Variants in SIAH3 observed in about 807,000 individuals in gnomAD.
SIAH3 encodes the protein siah E3 ubiquitin protein ligase family member 3, also known as seven in absentia homolog 3.
A neutral mutation model predicts 12.6 loss-of-function variants in SIAH3; 9 were observed. The observed-to-expected ratio is 0.72, with a 90% CI of 0.43 to 1.25. The LOEUF is 1.25. Among genes scored for constraint, SIAH3 ranks in the 50% most tolerant of loss-of-function variants. The probability of loss-of-function intolerance (pLI) is 0.00; values close to 1 mark genes in which losing one functional copy is unlikely to be tolerated. For missense variants in SIAH3, 390 were observed against 365.4 expected, an observed-to-expected ratio of 1.07 and a Z score of -0.55; for synonymous variants, 154 against 151.1, an observed-to-expected ratio of 1.02 and a Z score of -0.14.
At position 45,851,501 on chromosome 13, in the gene SIAH3, G is replaced by T. The variant is rs1406635560; in HGVS notation, c.129C>A (p.Asn43Lys). 1 of 1,613,972 alleles carries T rather than the reference G, an allele frequency of 6.2e-7. No homozygotes were observed. Among genetic ancestry groups the T allele is most frequent in the East Asian group, 2.2e-5 (1 of 44,886 alleles). ...AAATGACACAGAGACTCACCTTTAG[G>T]TTGTGTGTGGGGTTGACGACACAGA... is the stretch of plus-strand genomic sequence containing the variant. ...QLVCVVNPTH[N>K]LKYVSSRRAV... is the part of the protein sequence containing the mutation. The change falls in exon 1 of 2, where the codon AAC (asparagine) becomes AAA (lysine). Residue 43 changes from asparagine to lysine, a missense_variant. Physicochemically the swap from Asn to Lys is moderately conservative, Grantham distance 94. Coordinates refer to ENST00000400405, the MANE Select transcript of SIAH3 (RefSeq NM_198849.3).
At chr13:45,804,051 T>C (rs1950591058) in intron 1 of SIAH3, among the ~76,000 whole-genome samples, 1 of 152,218 alleles carries the variant, frequency 6.6e-6, no homozygotes, top group Non-Finnish European at 1.5e-5. Flanking sequence ...AAACTGTGGC[T>C]GGAACTTTTA....
intron 1 of SIAH3, among the ~76,000 whole-genome samples, chr13:45,840,118 CGTGGTGGTGTGCACCTGTAAT>C (rs1950735049): frequency 1.3e-5 from 2 of 152,030 alleles, no homozygotes; most frequent in Admixed American, 6.6e-5. Context: ...ATTAGCTGTG[CGTGGTGGTGTGCACCTGTAAT>C]TCCAGCTACT....
intron 1 of SIAH3, among the ~76,000 whole-genome samples, chr13:45,813,991 T>A (rs7139889): frequency 1.3e-5 from 2 of 152,040 alleles, no homozygotes; most frequent in South Asian, 4.1e-4. Context: ...GTAATCCCAG[T>A]ACTTTGGGAG....
Position 45,783,075 on chromosome 13 carries a change from AG to A in SIAH3, c.*307del, listed in dbSNP as rs1950511122. ...TGATCCTTTCAAAACTAGCGGAGAA[AG>A]GACTTGGAGGTGACAGGAAAAAACT... On this transcript the variant is annotated 3_prime_UTR_variant, in exon 2 of 2. Transcript: ENST00000400405. 5.7e-6 allele frequency: 1 copy of A among 176,818 alleles called. No homozygotes were observed. The highest frequency in any genetic ancestry group is 2.4e-5 in the African/African-American group (1 of 42,420). The allele number at this position is 176,818 out of a possible 1,614,324, so 11.0% of individuals were successfully genotyped here.
chr13:45,786,141 T>C (rs1950527166), intron 1 of SIAH3, among the ~76,000 whole-genome samples: 1 of 152,088 alleles, frequency 6.6e-6, no homozygotes, highest in South Asian at 2.1e-4. Context: ...TCTCCTGGGA[T>C]CATGCAGGAA....
At position 45,813,121 on chromosome 13, in the gene SIAH3, C is replaced by T. The variant is rs148559593; in HGVS notation, c.136-29064G>A. Reference sequence around the variant, plus strand: ...GTGAGCCTGGGTCAGTACTGAGTCCCGGACCTGATGGGAACATGGTGAGCC... The same window carrying T: ...GTGAGCCTGGGTCAGTACTGAGTCCTGGACCTGATGGGAACATGGTGAGCC... On this transcript the variant is annotated intron_variant, in intron 1 of 1. Coordinates refer to ENST00000400405, the MANE Select transcript of SIAH3 (RefSeq NM_198849.3). 1.5e-3 allele frequency among the ~76,000 whole-genome samples: 223 copies of T among 151,992 alleles called. 1 individual carries two copies. The highest frequency in any genetic ancestry group is 5.0e-3 in the African/African-American group (205 of 41,332).
intron 1 of SIAH3, among the ~76,000 whole-genome samples, chr13:45,822,214 T>C (rs1207119290): frequency 6.6e-6 from 1 of 152,174 alleles, no homozygotes; most frequent in African/African-American, 2.4e-5. Context: ...GGTGTCCCAC[T>C]GCCATGATTC....
chr13:45,783,661 C>T lies in SIAH3; in HGVS notation c.532G>A (p.Glu178Lys), dbSNP rs1566085496. 6.2e-7 allele frequency: 1 copy of T among 1,614,070 alleles called. No homozygotes were observed. The highest frequency in any genetic ancestry group is 8.5e-7 in the Non-Finnish European group (1 of 1,179,942). ...LLVLRKQERHEGHPQFFATMM... is the reference protein window; with the variant it reads ...LLVLRKQERHKGHPQFFATMM... ...GTGGCAAAGAACTGGGGGTGCCCTT[C>T]ATGCCTCTCCTGTTTCCTCAGCACC... Residue 178 changes from glutamate to lysine, a missense_variant, in exon 2 of 2, where the codon GAA (glutamate) becomes AAA (lysine). Coordinates refer to ENST00000400405, the MANE Select transcript of SIAH3 (RefSeq NM_198849.3).
intron 1 of SIAH3, among the ~76,000 whole-genome samples, chr13:45,794,096 CTTT>C (rs11311084): frequency 2.0e-5 from 3 of 146,480 alleles, no homozygotes. Flanking sequence ...CCTCCTGACA[CTTT>C]TTTTTTTTTT....
At position 45,779,882 on chromosome 13, in the gene SIAH3, C is replaced by T. The variant is rs546332010; in HGVS notation, c.*3501G>A. 9.8e-5 allele frequency: 15 copies of T among 152,298 alleles called. No individual in the cohort carries two copies. The highest frequency in any genetic ancestry group is 3.4e-4 in the African/African-American group (14 of 41,562). The allele number at this position is 152,298 out of a possible 1,614,324, so 9.4% of individuals were successfully genotyped here. On this transcript the variant is annotated 3_prime_UTR_variant, in exon 2 of 2. Coordinates refer to ENST00000400405, the MANE Select transcript of SIAH3 (RefSeq NM_198849.3). ...GATACCAATTGTTAAAGACAATCTTCGTGTGGCCTGACCTCCATTTCGGCG... is the reference window on the plus strand; with the variant it reads ...GATACCAATTGTTAAAGACAATCTTTGTGTGGCCTGACCTCCATTTCGGCG...
At chr13:45,818,703 C>T (rs1369215857) in intron 1 of SIAH3, among the ~76,000 whole-genome samples, 1 of 152,218 alleles carries the variant, frequency 6.6e-6, no homozygotes, top group Non-Finnish European at 1.5e-5. Flanking sequence ...TGTCAGATCT[C>T]CCTCTTGTAA....
At chr13:45,802,466 G>C (rs2137558854) in intron 1 of SIAH3, among the ~76,000 whole-genome samples, 1 of 152,132 alleles carries the variant, frequency 6.6e-6, no homozygotes, top group East Asian at 1.9e-4. Flanking sequence ...CCTTCTTTTG[G>C]ATGTGGGAAT....
chr13:45,829,029 A>G (rs1025629235), intron 1 of SIAH3, among the ~76,000 whole-genome samples: 1 of 152,202 alleles, frequency 6.6e-6, no homozygotes, highest in African/African-American at 2.4e-5. Context: ...TTACATAACT[A>G]AGTTAATAAT....
At chr13:45,826,815 T>C (rs1950679601) in intron 1 of SIAH3, among the ~76,000 whole-genome samples, 1 of 152,122 alleles carries the variant, frequency 6.6e-6, no homozygotes, top group East Asian at 1.9e-4. Flanking sequence ...GGCTGAGGGC[T>C]GTGGGTTGCA....
rs777085776 is a variant in SIAH3, at chr13:45,783,728, A to G, written c.465T>C (p.Asp155=). The G allele has an allele frequency of 6.2e-7, 1 of 1,614,092 alleles. No homozygotes were observed. Among genetic ancestry groups the G allele is most frequent in the Non-Finnish European group, 8.5e-7 (1 of 1,179,976 alleles). Residue 155 remains aspartate (D), a synonymous_variant, in exon 2 of 2, where the codon GAT becomes GAC. Transcript: ENST00000400405. ...ATDMHLPAPA[D]WIIMHSCLGH... is the part of the protein sequence containing the mutation. ...CAAGGCAGGAGTGCATGATGATCCA[A>G]TCAGCCGGCGCGGGGAGGTGCATGT...
At chr13:45,844,603 G>A (rs1361505729) in intron 1 of SIAH3, among the ~76,000 whole-genome samples, 2 of 152,154 alleles carry the variant, frequency 1.3e-5, no homozygotes, top group Non-Finnish European at 2.9e-5. Flanking sequence ...CGTCATAATC[G>A]TGTGAGCCAA....
chr13:45,843,032 C>CTGTG (rs746384493), intron 1 of SIAH3, among the ~76,000 whole-genome samples: 49 of 127,012 alleles, frequency 3.9e-4, no homozygotes, highest in African/African-American at 1.1e-3. Flanking sequence ...CTCTCTCTCT[C>CTGTG]TCTGTGTGTG....
intron 1 of SIAH3, among the ~76,000 whole-genome samples, chr13:45,845,237 T>C (rs1478423782): frequency 1.4e-5 from 2 of 147,110 alleles, no homozygotes; most frequent in African/African-American, 5.2e-5. Context: ...ATTATCACAA[T>C]GTTGACTTTG....
chr13:45,813,871 T>C (rs1407881285), intron 1 of SIAH3, among the ~76,000 whole-genome samples: 2 of 151,882 alleles, frequency 1.3e-5, no homozygotes, highest in African/African-American at 4.8e-5. Flanking sequence ...CCCACCTACC[T>C]CCCAAAGCCC....
Sources: allele counts gnomAD v4.1 joint callset (sites outside exome capture counted in the v4.1 genomes callset), GRCh38; gene constraint gnomAD v4.1.1; transcripts MANE v1.5; gene names NCBI Gene and HGNC (gene_info 2026-07-23, HGNC 2026-07-21).